The following SVEP1 variants were observed in gnomAD, a reference collection of about 807,000 sequenced individuals.
The protein encoded by SVEP1 is sushi, von Willebrand factor type A, EGF and pentraxin domain-containing protein 1.
Under a neutral mutation model 367.3 loss-of-function variants are expected in SVEP1, and 164 were observed. That is an observed-to-expected ratio of 0.45 (90% CI 0.39 to 0.51). The LOEUF is 0.51. Among genes scored for constraint, SVEP1 ranks in the 20% least tolerant of loss-of-function variants. The pLI, the probability that SVEP1 is intolerant of heterozygous loss-of-function variation, is 0.00. For missense variants in SVEP1, 4,117 were observed against 4,425.3 expected (o/e 0.93, Z 1.98); for synonymous variants, 1,666 against 1,611.6 (o/e 1.03, Z -0.81).
intron 17 of SVEP1, 49 bp downstream of exon 17, chr9:110,468,891 G>T (rs780755147): frequency 8.0e-6 from 12 of 1,494,410 alleles, no homozygotes; most frequent in Non-Finnish European, 9.9e-6. Context: ...CCCCAAAAGG[G>T]AAACAAAAAT....
chr9:110,449,003 G>C (rs1374451936), intron 24 of SVEP1, among the ~76,000 whole-genome samples: 1 of 151,946 alleles, frequency 6.6e-6, no homozygotes, highest in African/African-American at 2.4e-5. Context: ...TTTTCTTTTT[G>C]GTTTTTACTT....
At chr9:110,376,917 G>A (rs941144312) in intron 45 of SVEP1, 11 of 173,222 alleles carry the variant, frequency 6.4e-5, no homozygotes, top group East Asian at 1.5e-4. Context: ...AGTGGTGCAC[G>A]TTTATACCAA....
chr9:110,375,549 G>T, intron 45 of SVEP1, 86 bp from the exon 46 acceptor site: 1 of 1,255,352 alleles, frequency 8.0e-7, no homozygotes. Flanking sequence ...TAGGTTCAAG[G>T]GTTCAGAAAA....
At chr9:110,541,835 A>G (rs1830151945) in intron 3 of SVEP1, among the ~76,000 whole-genome samples, 1 of 139,830 alleles carries the variant, frequency 7.2e-6, no homozygotes, top group Admixed American at 7.2e-5. Context: ...ATATATCTAT[A>G]TACATAGATA....
intron 36 of SVEP1, among the ~76,000 whole-genome samples, chr9:110,413,510 G>A (rs990279116): frequency 6.6e-6 from 1 of 151,578 alleles, no homozygotes; most frequent in African/African-American, 2.4e-5. Context: ...CCTGCACAAT[G>A]TGCACATGTA....
intron 18 of SVEP1, among the ~76,000 whole-genome samples, chr9:110,465,167 C>T (rs899715351): frequency 2.0e-5 from 3 of 151,924 alleles, no homozygotes; most frequent in Non-Finnish European, 2.9e-5. Context: ...CCAGACCTAC[C>T]GAATCAAAGA....
intron 7 of SVEP1, 119 bp downstream of exon 7, chr9:110,498,922 C>T (rs756597215): frequency 7.4e-5 from 58 of 787,352 alleles, no homozygotes; most frequent in Non-Finnish European, 1.0e-4. Flanking sequence ...ATTGGGGTAG[C>T]ACCTAACCAT....
chr9:110,468,758 T>A (rs1828975133), intron 17 of SVEP1, among the ~76,000 whole-genome samples, 182 bp downstream of exon 17: 1 of 152,230 alleles, frequency 6.6e-6, no homozygotes, highest in Admixed American at 6.5e-5. Flanking sequence ...TTCTGGAGGC[T>A]CCTATGTCAC....
intron 3 of SVEP1, among the ~76,000 whole-genome samples, chr9:110,517,084 T>C (rs1829813204): frequency 1.3e-5 from 2 of 151,996 alleles, no homozygotes; most frequent in African/African-American, 4.8e-5. Context: ...GAACCCCAAG[T>C]TTTATTATGT....
intron 1 of SVEP1, among the ~76,000 whole-genome samples, chr9:110,552,513 T>C (rs991447883): frequency 6.6e-6 from 1 of 152,130 alleles, no homozygotes; most frequent in Non-Finnish European, 1.5e-5. Flanking sequence ...ATAAAATAAT[T>C]ATACAACTCA....
At chr9:110,529,624 T>C (rs1035953961) in intron 3 of SVEP1, among the ~76,000 whole-genome samples, 1 of 151,964 alleles carries the variant, frequency 6.6e-6, no homozygotes, top group African/African-American at 2.4e-5. Flanking sequence ...TTTTTGTTAC[T>C]ATTGTAAAAG....
intron 44 of SVEP1, 129 bp downstream of exon 44, chr9:110,379,218 G>C: frequency 9.9e-7 from 1 of 1,011,536 alleles, no homozygotes; most frequent in African/African-American, 1.6e-5. Context: ...AAATTACACA[G>C]CTGCTAAAAG....
At chr9:110,398,429 A>G (rs1827803945) in intron 40 of SVEP1, among the ~76,000 whole-genome samples, 4 of 152,236 alleles carry the variant, frequency 2.6e-5, no homozygotes, top group African/African-American at 9.6e-5. Flanking sequence ...GGACATAGGC[A>G]TGGGCAAGGA....
chr9:110,489,632 C>G lies in SVEP1; in HGVS notation c.1930+18G>C, dbSNP rs370101287. Reference sequence around the variant, plus strand: ...AGATGACGTTTGGATGGGGAAACAACCAAACTATATCACTTACCAATAACC... The same window carrying G: ...AGATGACGTTTGGATGGGGAAACAAGCAAACTATATCACTTACCAATAACC... On this transcript the variant is annotated intron_variant, in intron 9 of 47. Transcript: ENST00000374469. 1 of 1,603,908 alleles carries G rather than the reference C, an allele frequency of 6.2e-7. No homozygotes were observed. The highest frequency in any genetic ancestry group is 8.5e-7 in the Non-Finnish European group (1 of 1,174,630).
At chr9:110,501,926 G>A (rs1322661318) in intron 6 of SVEP1, among the ~76,000 whole-genome samples, 1 of 151,866 alleles carries the variant, frequency 6.6e-6, no homozygotes, top group Non-Finnish European at 1.5e-5. Context: ...TTCAGTGTGG[G>A]TTGCTAGTAT....
intron 17 of SVEP1, among the ~76,000 whole-genome samples, chr9:110,466,305 A>C (rs1005024825): frequency 4.6e-5 from 7 of 152,172 alleles, no homozygotes; most frequent in Non-Finnish European, 8.8e-5. Flanking sequence ...ATGAAGTTAG[A>C]AATACATAGC....
intron 26 of SVEP1, among the ~76,000 whole-genome samples, chr9:110,444,479 T>C (rs1271367704): frequency 6.6e-6 from 1 of 152,218 alleles, no homozygotes; most frequent in Non-Finnish European, 1.5e-5. Context: ...GCAGCCTGAA[T>C]GGACTAAGAC....
intron 46 of SVEP1, among the ~76,000 whole-genome samples, chr9:110,371,655 A>G (rs1289582050): frequency 1.3e-5 from 2 of 152,040 alleles, no homozygotes; most frequent in Admixed American, 6.6e-5. Context: ...TGGCTTCTCT[A>G]TCTCAGTAAA....
intron 8 of SVEP1, among the ~76,000 whole-genome samples, chr9:110,494,475 G>C (rs1829416360): frequency 6.6e-6 from 1 of 152,190 alleles, no homozygotes; most frequent in South Asian, 2.1e-4. Context: ...CAAAGCTTGT[G>C]ACTGTAGAAT....
Sources: gnomAD v4.1 joint callset for allele counts (sites outside exome capture counted in the v4.1 genomes callset) on GRCh38, gnomAD v4.1.1 for gene constraint, MANE v1.5 for transcripts, NCBI Gene and HGNC (gene_info 2026-07-23, HGNC 2026-07-21) for gene names.